The following CPNE4 variants were observed in gnomAD, a reference collection of about 807,000 sequenced individuals.
CPNE4 encodes copine-4.
Under a neutral mutation model 67.9 loss-of-function variants are expected in CPNE4, and 25 were observed. That is an observed-to-expected ratio of 0.37 (90% CI 0.27 to 0.51). CPNE4 has a LOEUF of 0.51. Among genes scored for constraint, CPNE4 ranks in the 20% least tolerant of loss-of-function variants. The pLI is 0.93. For synonymous variants in CPNE4, 242 were observed against 244.9 expected, an observed-to-expected ratio of 0.99 and a Z score of 0.11; for missense variants, 464 against 690.8, an observed-to-expected ratio of 0.67 and a Z score of 3.68.
At chr3:131,931,756 G>A (rs772214685) in intron 1 of CPNE4, among the ~76,000 whole-genome samples, 1 of 152,066 alleles carries the variant, frequency 6.6e-6, no homozygotes, top group Non-Finnish European at 1.5e-5. Context: ...CAAATGCAGG[G>A]CATAGTGAAC....
intron 7 of CPNE4, among the ~76,000 whole-genome samples, chr3:131,591,685 A>G (rs1293334793): frequency 6.6e-6 from 1 of 152,218 alleles, no homozygotes; most frequent in East Asian, 1.9e-4. Context: ...GGGCAGTTGC[A>G]GAATTTTATT....
intron 1 of CPNE4, among the ~76,000 whole-genome samples, chr3:131,929,549 T>C (rs2070994672): frequency 6.6e-6 from 1 of 150,652 alleles, no homozygotes; most frequent in Non-Finnish European, 1.5e-5. Flanking sequence ...TCTCCATGTC[T>C]TCACAGGGCC....
Position 131,535,174 on chromosome 3 carries a change from C to G in CPNE4, c.*21G>C, listed in dbSNP as rs1935064780. 1 of 1,591,232 alleles carries G rather than the reference C, an allele frequency of 6.3e-7. No individual in the cohort carries two copies. Among genetic ancestry groups the G allele is most frequent in the Non-Finnish European group, 8.5e-7 (1 of 1,169,878 alleles). ...TTAGCAGGAATAGTATTTCAGAACT[C>G]TGTAAAACTGTGTGGGGAGTTCATG... On this transcript the variant is annotated 3_prime_UTR_variant, in exon 16 of 16. Coordinates refer to ENST00000429747, the MANE Select transcript of CPNE4 (RefSeq NM_130808.3).
chr3:131,692,093 A>C (rs1241956676), intron 5 of CPNE4, among the ~76,000 whole-genome samples: 1 of 152,170 alleles, frequency 6.6e-6, no homozygotes, highest in African/African-American at 2.4e-5. Flanking sequence ...TTTTAGTTCA[A>C]TATAAAAGAA....
chr3:131,706,372 G>A (rs2174054), intron 3 of CPNE4, among the ~76,000 whole-genome samples: 44,759 of 152,172 alleles, frequency 0.29, 6,805 homozygotes, highest in Non-Finnish European at 0.33. Flanking sequence ...GACAGCTACC[G>A]CTGTAAAGTG....
At chr3:131,949,740 T>C (rs1015262761) in intron 1 of CPNE4, among the ~76,000 whole-genome samples, 13 of 152,174 alleles carry the variant, frequency 8.5e-5, no homozygotes, top group African/African-American at 2.7e-4. Context: ...CAAAGCATAC[T>C]ACCCCACAGG....
chr3:131,780,796 A>G (rs1360119677), intron 2 of CPNE4, among the ~76,000 whole-genome samples: 1 of 152,082 alleles, frequency 6.6e-6, no homozygotes, highest in Non-Finnish European at 1.5e-5. Context: ...TGATTTACCC[A>G]TGTAACAAAC....
intron 2 of CPNE4, among the ~76,000 whole-genome samples, chr3:131,852,838 A>C (rs926553866): frequency 2.0e-5 from 3 of 151,596 alleles, no homozygotes; most frequent in Non-Finnish European, 3.0e-5. Flanking sequence ...TTTTGTTTTT[A>C]ATAATAATAC....
intron 7 of CPNE4, among the ~76,000 whole-genome samples, chr3:131,640,728 A>G (rs1001036272): frequency 6.6e-6 from 1 of 152,162 alleles, no homozygotes; most frequent in Non-Finnish European, 1.5e-5. Flanking sequence ...AAGCAAAAAG[A>G]ACAAATCTGG....
rs550422728 is a variant in CPNE4, at chr3:131,841,218, C to T, written c.180+64046G>A. On this transcript the variant is annotated intron_variant, in intron 2 of 15. Coordinates refer to ENST00000429747, the MANE Select transcript of CPNE4 (RefSeq NM_130808.3). ...CCCATAAGGAAGTGGTTATTCCCTTCCAAAGAAGTATAAACTGCCTCCCCT... is the reference window on the plus strand; with the variant it reads ...CCCATAAGGAAGTGGTTATTCCCTTTCAAAGAAGTATAAACTGCCTCCCCT... Among the ~76,000 whole-genome samples, 5 of 152,276 alleles carry T rather than the reference C, an allele frequency of 3.3e-5. No individual in the cohort carries two copies. The South Asian group carries it at 1.0e-3, about 32-fold the overall frequency.
chr3:132,036,559 G>T (rs16838392), upstream of CPNE4, among the ~76,000 whole-genome samples: 2 of 152,140 alleles, frequency 1.3e-5, no homozygotes. Context: ...TTACTTCCAG[G>T]TTTTGTTAAG....
At chr3:131,696,505 T>C in intron 5 of CPNE4, 37 bp downstream of exon 5, 1 of 1,581,700 alleles carries the variant, frequency 6.3e-7, no homozygotes, top group Non-Finnish European at 8.7e-7. Context: ...GCTAGCTTTG[T>C]TACTTCCTTC....
chr3:131,910,241 G>A (rs1420236749), intron 1 of CPNE4, among the ~76,000 whole-genome samples: 3 of 152,110 alleles, frequency 2.0e-5, no homozygotes, highest in African/African-American at 7.2e-5. Flanking sequence ...GGGAAGGGGG[G>A]AGAAAGAGAA....
intron 8 of CPNE4, among the ~76,000 whole-genome samples, chr3:131,586,726 A>ATCTGTCTGTCTG (rs3039201): frequency 6.2e-5 from 8 of 129,692 alleles, no homozygotes; most frequent in East Asian, 4.1e-4. Context: ...TTCTATCTCT[A>ATCTGTCTGTCTG]TCTGTCTGTC....
intron 2 of CPNE4, among the ~76,000 whole-genome samples, chr3:131,760,991 C>T (rs2082872717): frequency 6.6e-6 from 1 of 152,086 alleles, no homozygotes; most frequent in Non-Finnish European, 1.5e-5. Context: ...GGAAGAGACA[C>T]ACTTTCCTTG....
At position 131,581,449 on chromosome 3, in the gene CPNE4, A is replaced by G. The variant is rs151266415; in HGVS notation, c.867+130T>C. On this transcript the variant is annotated intron_variant, in intron 9 of 15. Transcript: ENST00000429747. Reference sequence around the variant, plus strand: ...TTTCTCATTTTATGTTCTTTAATACATGACTTTTTAATTTTTATTTTAAAA... The same window carrying G: ...TTTCTCATTTTATGTTCTTTAATACGTGACTTTTTAATTTTTATTTTAAAA... 12 of 653,830 alleles carry G rather than the reference A, an allele frequency of 1.8e-5. No individual in the cohort carries two copies. In the East Asian group the frequency reaches 3.3e-4, roughly 18 times the overall value. 40.5% of individuals were successfully genotyped at this position (653,830 alleles called of 1,614,324 possible).
rs1298700049 is a variant in CPNE4 at position 131,636,727 on chromosome 3, A to T, written c.681+32948T>A. On this transcript the variant is annotated intron_variant, in intron 7 of 15. Coordinates refer to ENST00000429747, the MANE Select transcript of CPNE4 (RefSeq NM_130808.3). Reference sequence around the variant, plus strand: ...AGCGCAACCTCCTGGCTGGAGGCCAATCAACACAAAACCAGTGCACTAAAC... The same window carrying T: ...AGCGCAACCTCCTGGCTGGAGGCCATTCAACACAAAACCAGTGCACTAAAC... Among the ~76,000 whole-genome samples, 4 of 152,244 alleles carry T rather than the reference A, an allele frequency of 2.6e-5. No homozygotes were observed. In the South Asian group the frequency reaches 8.3e-4, roughly 32 times the overall value.
intron 1 of CPNE4, among the ~76,000 whole-genome samples, chr3:132,029,438 G>A (rs1396934833): frequency 2.6e-5 from 4 of 152,106 alleles, no homozygotes; most frequent in Non-Finnish European, 5.9e-5. Flanking sequence ...CCTGCTTATG[G>A]GTCCCGGAGG....
At chr3:131,959,251 C>T (rs61793596) in intron 1 of CPNE4, among the ~76,000 whole-genome samples, 8,510 of 30,586 alleles carry the variant, frequency 0.28, 1,562 homozygotes, top group Admixed American at 0.36. Context: ...CCGCCCGCCT[C>T]GGCCTCCCAA....
Sources: gnomAD v4.1 joint callset for allele counts (sites outside exome capture counted in the v4.1 genomes callset) on GRCh38, gnomAD v4.1.1 for gene constraint, MANE v1.5 for transcripts, NCBI Gene and HGNC (gene_info 2026-07-23, HGNC 2026-07-21) for gene names.